Variants in GOLGB1 observed in about 807,000 individuals in gnomAD.
The protein encoded by GOLGB1 is golgin subfamily B member 1.
GOLGB1 carries 174 observed loss-of-function variants against 336.9 expected under a neutral mutation model. The observed-to-expected ratio is 0.52, with a 90% CI of 0.46 to 0.59. The LOEUF is 0.59. Among genes scored for constraint, GOLGB1 ranks in the 20% least tolerant of loss-of-function variants. The pLI, the probability that GOLGB1 is intolerant of heterozygous loss-of-function variation, is 0.00. For synonymous variants in GOLGB1, 1,208 were observed against 1,289.2 expected (o/e 0.94, Z 1.35); for missense variants, 3,331 against 3,645.3 (o/e 0.91, Z 2.22).
chr3:121,707,451 C>T (rs1943977024), intron 10 of GOLGB1, among the ~76,000 whole-genome samples: 1 of 150,824 alleles, frequency 6.6e-6, no homozygotes, highest in Non-Finnish European at 1.5e-5. Flanking sequence ...CTTAGCAAGA[C>T]CTCATCTCTA....
chr3:121,664,880 C>T (rs1192565899), intron 21 of GOLGB1, 46 bp downstream of exon 21: 2 of 1,157,414 alleles, frequency 1.7e-6, no homozygotes, highest in Non-Finnish European at 2.6e-6. Context: ...TATAGCCAGC[C>T]CTGTCAGATA....
intron 10 of GOLGB1, among the ~76,000 whole-genome samples, chr3:121,710,235 A>C (rs1158447793): frequency 6.6e-6 from 1 of 152,130 alleles, no homozygotes; most frequent in Non-Finnish European, 1.5e-5. Flanking sequence ...TATTTAAAAA[A>C]TTATTTTCAA....
chr3:121,711,328 T>C (rs1027816464), intron 10 of GOLGB1, among the ~76,000 whole-genome samples: 7 of 150,548 alleles, frequency 4.6e-5, no homozygotes, highest in Non-Finnish European at 1.0e-4. Flanking sequence ...TAAGAAAAAA[T>C]TAAGAAATAT....
rs1327090666 is a variant in GOLGB1 at position 121,716,942 on chromosome 3, C to T, written c.1083G>A (p.Gln361=). The T allele has an allele frequency of 1.2e-6, 2 of 1,613,926 alleles. No homozygotes were observed. The highest frequency in any genetic ancestry group is 8.5e-7 in the Non-Finnish European group (1 of 1,179,842). Reference sequence around the variant, plus strand: ...CACTATACCGAGACTCTAGTTCAGCCTGGGCTTGGCCTGCTTGCTCAAACT... The same window carrying T: ...CACTATACCGAGACTCTAGTTCAGCTTGGGCTTGGCCTGCTTGCTCAAACT... ...LEQFEQAGQA[Q]AELESRYSAL... The change falls in exon 9 of 22, where the codon CAG becomes CAA. Residue 361 remains glutamine, a synonymous_variant. Coordinates refer to ENST00000614479, the MANE Select transcript of GOLGB1 (RefSeq NM_001366282.2).
At chr3:121,672,046 C>T (rs996217672) in intron 17 of GOLGB1, among the ~76,000 whole-genome samples, 6 of 152,284 alleles carry the variant, frequency 3.9e-5, no homozygotes, top group Non-Finnish European at 2.9e-5. Context: ...CATCTGTTGA[C>T]GGGTACTTAC....
At chr3:121,672,924 G>C (rs941245569) in intron 17 of GOLGB1, among the ~76,000 whole-genome samples, 4 of 152,176 alleles carry the variant, frequency 2.6e-5, no homozygotes, top group African/African-American at 9.6e-5. Flanking sequence ...CTTTGTCAAA[G>C]ACAAGTTGCC....
chr3:121,715,822 G>A (rs973736073), intron 9 of GOLGB1, among the ~76,000 whole-genome samples: 10 of 151,962 alleles, frequency 6.6e-5, no homozygotes, highest in Non-Finnish European at 1.5e-4. Context: ...GAGAAGCCCT[G>A]TCTCTACTAA....
intron 10 of GOLGB1, among the ~76,000 whole-genome samples, chr3:121,708,793 C>A (rs879146963): frequency 6.6e-6 from 1 of 151,612 alleles, no homozygotes; most frequent in Non-Finnish European, 1.5e-5. Flanking sequence ...TTCTAATTAT[C>A]GAATAGAAGG....
chr3:121,725,759 A>G (rs1227749067), intron 5 of GOLGB1, among the ~76,000 whole-genome samples: 3 of 152,120 alleles, frequency 2.0e-5, no homozygotes, highest in Admixed American at 6.5e-5. Flanking sequence ...ATGGATTAAC[A>G]CATTCACAGA....
At position 121,712,233 on chromosome 3, in the gene GOLGB1, G is replaced by A. The variant is rs191335436; in HGVS notation, c.1404+2628C>T. On this transcript the variant is annotated intron_variant, in intron 10 of 21. Transcript: ENST00000614479. ...AAGTAAAGTCTCCTTACGAAATGGTGCTGAAACAACGAAATATCCGTACAG... is the reference window on the plus strand; with the variant it reads ...AAGTAAAGTCTCCTTACGAAATGGTACTGAAACAACGAAATATCCGTACAG... Among the ~76,000 whole-genome samples, 4 of 152,268 alleles carry A rather than the reference G, an allele frequency of 2.6e-5. No individual in the cohort carries two copies. In the East Asian group the frequency reaches 7.7e-4, roughly 29 times the overall value.
rs772445249 is a variant in GOLGB1, at chr3:121,692,459, C to T, written c.6905G>A (p.Arg2302His). The change falls in exon 14 of 22, where the codon CGC becomes CAC. Residue 2302 changes from arginine (R) to histidine (H), a missense_variant. Physicochemically the swap from Arg to His is conservative, Grantham distance 29. Coordinates refer to ENST00000614479, the MANE Select transcript of GOLGB1 (RefSeq NM_001366282.2). ...KELLSQLEET[R>H]HLYHSSQNEL... ...ATTCTGAGAACTGTGGTATAGGTGGCGTGTCTCTTCTAGCTGGGACAAAAG... is the reference window on the plus strand; with the variant it reads ...ATTCTGAGAACTGTGGTATAGGTGGTGTGTCTCTTCTAGCTGGGACAAAAG... 1.6e-5 allele frequency: 26 copies of T among 1,613,778 alleles called. No homozygotes were observed. The highest frequency in any genetic ancestry group is 5.3e-5 in the African/African-American group (4 of 74,924).
At chr3:121,710,100 G>A (rs1242924658) in intron 10 of GOLGB1, among the ~76,000 whole-genome samples, 2 of 143,116 alleles carry the variant, frequency 1.4e-5, no homozygotes, top group Non-Finnish European at 3.0e-5. Flanking sequence ...CTGGCACCGG[G>A]TGGAAAAAAA....
At chr3:121,723,330 G>C (rs1945326938) in intron 5 of GOLGB1, among the ~76,000 whole-genome samples, 1 of 152,032 alleles carries the variant, frequency 6.6e-6, no homozygotes, top group African/African-American at 2.4e-5. Flanking sequence ...ATATGCAGTT[G>C]GTATCAATGG....
rs1483749619 is a variant in GOLGB1, at chr3:121,681,726, T to C, written c.8834A>G (p.Gln2945Arg). The C allele has an allele frequency of 6.2e-7, 1 of 1,612,736 alleles. No homozygotes were observed. Among genetic ancestry groups the C allele is most frequent in the Non-Finnish European group, 8.5e-7 (1 of 1,179,108 alleles). The change falls in exon 15 of 22, where the codon CAG (glutamine) becomes CGG (arginine). Residue 2945 changes from glutamine (Q) to arginine (R), a missense_variant. By Grantham distance (43) the Gln-to-Arg change is conservative (BLOSUM62 1). Coordinates refer to ENST00000614479, the MANE Select transcript of GOLGB1 (RefSeq NM_001366282.2). The part of the protein sequence containing the change: ...AFQIMQEELR[Q>R]ENLSWQHELH... Reference sequence around the variant, plus strand: ...CTCATGCTGCCAGGAGAGGTTTTCCTGCCTGAGCTCTTCTTGCATAATCTG... The same window carrying C: ...CTCATGCTGCCAGGAGAGGTTTTCCCGCCTGAGCTCTTCTTGCATAATCTG...
intron 15 of GOLGB1, among the ~76,000 whole-genome samples, chr3:121,678,008 A>G (rs1940627855): frequency 6.6e-6 from 1 of 152,248 alleles, no homozygotes; most frequent in South Asian, 2.1e-4. Flanking sequence ...GTTAAAATGG[A>G]GCAATTTATC....
chr3:121,698,840 A>G lies in GOLGB1; in HGVS notation c.1683T>C (p.His561=), dbSNP rs569371146. The G allele has an allele frequency of 1.8e-5, 29 of 1,612,094 alleles. No individual in the cohort carries two copies. In the South Asian group the frequency reaches 3.2e-4, roughly 18 times the overall value. The part of the protein sequence containing the change: ...DVLENTFSQK[H]KELSVLLLEM... ...CCAACAATAAAACTGATAATTCTTT[A>G]TGTTTCTGAGAAAATGTGTTTTCTA... Residue 561 remains histidine (H), a synonymous_variant, in exon 13 of 22, where the codon CAT becomes CAC. Coordinates refer to ENST00000614479, the MANE Select transcript of GOLGB1 (RefSeq NM_001366282.2).
chr3:121,701,843 A>G (rs115580378), intron 11 of GOLGB1, among the ~76,000 whole-genome samples: 1,736 of 152,288 alleles, frequency 0.011, 38 homozygotes, highest in African/African-American at 0.039. Context: ...ATAGTAAAAA[A>G]GACAAACATA....
intron 6 of GOLGB1, among the ~76,000 whole-genome samples, chr3:121,721,354 A>G (rs1265738917): frequency 6.6e-6 from 1 of 152,032 alleles, no homozygotes; most frequent in Non-Finnish European, 1.5e-5. Context: ...CCCCCCAAAA[A>G]AAATTACAGT....
intron 1 of GOLGB1, among the ~76,000 whole-genome samples, chr3:121,737,508 G>A (rs529688922): frequency 9.9e-5 from 15 of 151,954 alleles, no homozygotes; most frequent in East Asian, 3.9e-4. Context: ...AAAATTAGCC[G>A]GGTGTGGTGG....
Sources: gnomAD v4.1 joint callset for allele counts (sites outside exome capture counted in the v4.1 genomes callset) on GRCh38, gnomAD v4.1.1 for gene constraint, MANE v1.5 for transcripts, NCBI Gene and HGNC (gene_info 2026-07-23, HGNC 2026-07-21) for gene names.